The following THNSL1 variants were observed in gnomAD, a reference collection of about 807,000 sequenced individuals.
The protein encoded by THNSL1 is threonine synthase like 1.
THNSL1 carries 48 observed loss-of-function variants against 50.4 expected under a neutral mutation model. The observed-to-expected ratio is 0.95, with a 90% CI of 0.76 to 1.21. The LOEUF (loss-of-function observed/expected upper bound fraction) is 1.21. THNSL1 is among the 50% of genes most tolerant of loss of function. THNSL1 has a pLI of 0.00. For synonymous variants in THNSL1, 309 were observed against 306.1 expected, an observed-to-expected ratio of 1.01 and a Z score of -0.10; for missense variants, 896 against 871.7, an observed-to-expected ratio of 1.03 and a Z score of -0.35.
the THNSL1 span, among the ~76,000 whole-genome samples, chr10:24,980,527 G>A: frequency 1.3e-5 from 2 of 151,806 alleles, no homozygotes; most frequent in Non-Finnish European, 2.9e-5. Flanking sequence ...GATTATTTCT[G>A]TCTTCCCAAC....
upstream of THNSL1, chr10:25,015,831 C>G (rs771069157): frequency 6.4e-7 from 1 of 1,569,500 alleles, no homozygotes. Context: ...ATTCTTGTTT[C>G]AAGTGATAGT....
the THNSL1 span, among the ~76,000 whole-genome samples, chr10:24,991,776 C>G: frequency 3.8e-4 from 58 of 152,350 alleles, no homozygotes; most frequent in African/African-American, 1.3e-3. Context: ...TGGAAGCCCT[C>G]TGTCCTTGTC....
the THNSL1 span, among the ~76,000 whole-genome samples, chr10:24,975,116 C>T: frequency 6.6e-6 from 1 of 152,078 alleles, no homozygotes; most frequent in South Asian, 2.1e-4. Flanking sequence ...GGCCTAAAGC[C>T]TAAGCCTGCT....
At chr10:24,981,671 C>A in the THNSL1 span, among the ~76,000 whole-genome samples, 2 of 152,252 alleles carry the variant, frequency 1.3e-5, no homozygotes, top group East Asian at 3.9e-4. Context: ...CTGTTACGCA[C>A]GTATTGTTCC....
At chr10:25,017,339 T>C (rs1850623296) in intron 1 of THNSL1, among the ~76,000 whole-genome samples, 1 of 152,118 alleles carries the variant, frequency 6.6e-6, no homozygotes, top group Non-Finnish European at 1.5e-5. Context: ...TACCCGAGTG[T>C]TTAAAAGACA....
the THNSL1 span, among the ~76,000 whole-genome samples, chr10:25,006,395 C>G: frequency 6.6e-6 from 1 of 151,960 alleles, no homozygotes; most frequent in Non-Finnish European, 1.5e-5. Context: ...CATTTGTGCT[C>G]CTCTGTGACT....
At chr10:24,971,811 A>G in the THNSL1 span, among the ~76,000 whole-genome samples, 1 of 152,230 alleles carries the variant, frequency 6.6e-6, no homozygotes, top group Non-Finnish European at 1.5e-5. Flanking sequence ...ATGCAACATC[A>G]TGCACAGAGG....
At chr10:25,008,348 C>T in the THNSL1 span, among the ~76,000 whole-genome samples, 1 of 152,142 alleles carries the variant, frequency 6.6e-6, no homozygotes, top group South Asian at 2.1e-4. Context: ...AATTAGTTAG[C>T]AAAGTGGGTA....
the THNSL1 span, among the ~76,000 whole-genome samples, chr10:24,978,028 A>G: frequency 6.6e-6 from 1 of 152,186 alleles, no homozygotes; most frequent in Non-Finnish European, 1.5e-5. Context: ...TTTCCTATAT[A>G]GGCACCTCGT....
chr10:25,015,693 T>A (rs886329434), upstream of THNSL1, among the ~76,000 whole-genome samples: 1 of 152,230 alleles, frequency 6.6e-6, no homozygotes, highest in Non-Finnish European at 1.5e-5. Flanking sequence ...AGATGCTGAA[T>A]ACCTAGATAT....
upstream of THNSL1, among the ~76,000 whole-genome samples, chr10:25,014,063 G>A (rs1013300887): frequency 6.6e-6 from 1 of 152,170 alleles, no homozygotes; most frequent in Non-Finnish European, 1.5e-5. Flanking sequence ...TTGACTCTGA[G>A]GCTTTCATAA....
chr10:25,015,965 T>A (rs1405151144), upstream of THNSL1: 1 of 1,592,086 alleles, frequency 6.3e-7, no homozygotes, highest in Admixed American at 1.8e-5. Context: ...TAAAAGCTAC[T>A]CTCCACAACT....
chr10:25,019,333 G>A (rs1483272514), intron 1 of THNSL1, among the ~76,000 whole-genome samples: 1 of 152,116 alleles, frequency 6.6e-6, no homozygotes. Context: ...AATTAGCTGG[G>A]TGTGGTGGTG....
chr10:25,000,846 T>A, the THNSL1 span, among the ~76,000 whole-genome samples: 4 of 152,114 alleles, frequency 2.6e-5, no homozygotes, highest in Admixed American at 2.0e-4. Context: ...GCTCATTCTA[T>A]CTTGCTTTTC....
chr10:25,017,628 T>C (rs543798083), intron 1 of THNSL1, among the ~76,000 whole-genome samples: 26 of 152,248 alleles, frequency 1.7e-4, no homozygotes, highest in African/African-American at 6.0e-4. Flanking sequence ...TTTCTTTTTT[T>C]TTTTTTTGTA....
At chr10:24,989,558 C>T in the THNSL1 span, among the ~76,000 whole-genome samples, 1 of 152,168 alleles carries the variant, frequency 6.6e-6, no homozygotes, top group Non-Finnish European at 1.5e-5. Context: ...GTACCTCTCA[C>T]TAATTAAATT....
At position 25,023,507 on chromosome 10, in the gene THNSL1, G is replaced by A; in HGVS notation, c.284G>A (p.Trp95Ter). 6.2e-7 allele frequency: 1 copy of A among 1,614,080 alleles called. No individual in the cohort carries two copies. The highest frequency in any genetic ancestry group is 2.2e-5 in the East Asian group (1 of 44,858). The change falls in exon 3 of 3, where the codon TGG becomes TAG. Residue 95 changes from tryptophan (W) to a stop codon, truncating the protein, a stop_gained. Transcript: ENST00000376356. LOFTEE classifies it high-confidence loss of function. ...DVDDDILEKT[W>*]NMSVSEKLQD... ...GATGATGATATCCTTGAAAAAACCTGGAATATGAGTGTGTCTGAAAAATTA... is the reference window on the plus strand; with the variant it reads ...GATGATGATATCCTTGAAAAAACCTAGAATATGAGTGTGTCTGAAAAATTA...
chr10:24,973,059 C>T, the THNSL1 span, among the ~76,000 whole-genome samples: 1 of 152,142 alleles, frequency 6.6e-6, no homozygotes, highest in Non-Finnish European at 1.5e-5. Context: ...TTCACAATTT[C>T]ACAGATAGAA....
the THNSL1 span, among the ~76,000 whole-genome samples, chr10:24,988,356 GTGTATATATATT>G: frequency 4.9e-5 from 7 of 141,520 alleles, no homozygotes; most frequent in Non-Finnish European, 9.1e-5. Flanking sequence ...ATTTATATAT[GTGTATATATATT>G]TATATATGTA....
Sources: allele counts gnomAD v4.1 joint callset (sites outside exome capture counted in the v4.1 genomes callset), GRCh38; gene constraint gnomAD v4.1.1; transcripts MANE v1.5; gene names NCBI Gene and HGNC (gene_info 2026-07-23, HGNC 2026-07-21).